Variants in SLC35E2B observed in about 807,000 individuals in gnomAD.
SLC35E2B encodes solute carrier family 35 member E2B.
Under a neutral mutation model 32.4 loss-of-function variants are expected in SLC35E2B, and 18 were observed. The observed-to-expected ratio is 0.56, with a 90% confidence interval of 0.38 to 0.82. The LOEUF (loss-of-function observed/expected upper bound fraction) is 0.82. Among genes scored for constraint, SLC35E2B ranks in the 40% least tolerant of loss-of-function variants. SLC35E2B has a pLI of 0.00. For synonymous variants in SLC35E2B, 132 were observed against 209.1 expected (o/e 0.63, Z 3.18); for missense variants, 263 against 469.5 (o/e 0.56, Z 4.06).
At chr1:1,684,789 CAAA>C (rs1175219653) in intron 2 of SLC35E2B, among the ~76,000 whole-genome samples, 1 of 23,734 alleles carries the variant, frequency 4.2e-5, no homozygotes, top group Non-Finnish European at 7.3e-5. Flanking sequence ...GACTCCATCT[CAAA>C]AAAAAAAAAA....
At chr1:1,673,835 C>T (rs1315011262) in intron 5 of SLC35E2B, among the ~76,000 whole-genome samples, 1 of 151,460 alleles carries the variant, frequency 6.6e-6, no homozygotes, top group Non-Finnish European at 1.5e-5. Context: ...CAGTGGTGGG[C>T]GCCTGTAGTC....
chr1:1,669,471 TAA>T (rs904305510), intron 8 of SLC35E2B, among the ~76,000 whole-genome samples, 191 bp downstream of exon 8: 32 of 151,116 alleles, frequency 2.1e-4, no homozygotes, highest in African/African-American at 6.3e-4. Context: ...ATAAACAAAA[TAA>T]AAGTCTTCAC....
At position 1,665,541 on chromosome 1, in the gene SLC35E2B, G is replaced by A. The variant is rs1033138718; in HGVS notation, c.*241C>T. The A allele has an allele frequency of 3.2e-5, 20 of 630,438 alleles. No homozygotes were observed. Among genetic ancestry groups the A allele is most frequent in the African/African-American group, 9.2e-5 (5 of 54,452 alleles). 39.1% of individuals were successfully genotyped at this position (630,438 alleles called of 1,614,324 possible). A position where few individuals can be genotyped will look rare whatever the true frequency, so the allele number is the denominator to read the frequency against. ...CTCAGAGGCTGTTTTCACATTACAC[G>A]GGGATGGGCTCGGCGGACACAGTCA... On this transcript the variant is annotated 3_prime_UTR_variant, in exon 10 of 10. Coordinates refer to ENST00000617444, the MANE Select transcript of SLC35E2B (RefSeq NM_001290264.2).
intron 6 of SLC35E2B, 160 bp downstream of exon 6, chr1:1,671,349 C>T (rs1199336729): frequency 5.0e-6 from 4 of 806,254 alleles, no homozygotes; most frequent in African/African-American, 3.6e-5. Flanking sequence ...AACTTACCTG[C>T]CGGGGATACC....
At position 1,671,555 on chromosome 1, in the gene SLC35E2B, T is replaced by C. The variant is rs1643692218; in HGVS notation, c.661A>G (p.Asn221Asp). The change falls in exon 6 of 10, where the codon AAT becomes GAT. Residue 221 changes from asparagine to aspartate, a missense_variant. Physicochemically the swap from Asn to Asp is conservative, Grantham distance 23. This residue lies in a region of SLC35E2B where 129 missense variants were observed against 164.5 expected (regional missense o/e 0.78). Transcript: ENST00000617444. ...AGTGCGGCCGAGAACCCCAGGACAT[T>C]GAAGCTGATCTCAGTGGCCGTGCAC... ...ALCTATEISF[N>D]VLGFSAALST... The C allele has an allele frequency of 1.3e-6, 2 of 1,549,306 alleles. No individual in the cohort carries two copies. The highest frequency in any genetic ancestry group is 1.2e-5 in the South Asian group (1 of 83,566).
chr1:1,669,752 C>G lies in SLC35E2B; in HGVS notation c.762-16G>C, dbSNP rs1355770101. On this transcript the variant is annotated splice_polypyrimidine_tract_variant and intron_variant, in intron 7 of 9. Transcript: ENST00000617444. Reference sequence around the variant, plus strand: ...CTCCGGGGCCCTGTGGGTGACAGAACACGCTGGGCCCCCCGTGTCGGGACA... The same window carrying G: ...CTCCGGGGCCCTGTGGGTGACAGAAGACGCTGGGCCCCCCGTGTCGGGACA... The G allele has an allele frequency of 1.3e-6, 2 of 1,548,310 alleles. No homozygotes were observed. The highest frequency in any genetic ancestry group is 2.7e-5 in the African/African-American group (2 of 73,096).
At chr1:1,683,154 A>AACACTTCCC (rs1643914448) in intron 2 of SLC35E2B, among the ~76,000 whole-genome samples, 1 of 152,134 alleles carries the variant, frequency 6.6e-6, no homozygotes, top group Non-Finnish European at 1.5e-5. Flanking sequence ...ACTCCCACAC[A>AACACTTCCC]ACACTTCCCA....
At chr1:1,677,616 G>T (rs1345975452) in intron 2 of SLC35E2B, among the ~76,000 whole-genome samples, 8 of 151,414 alleles carry the variant, frequency 5.3e-5, no homozygotes, top group Non-Finnish European at 1.2e-4. Flanking sequence ...TAGCTGGGAC[G>T]ACAGGCGTCC....
intron 2 of SLC35E2B, among the ~76,000 whole-genome samples, chr1:1,680,552 C>T (rs537282853): frequency 3.3e-5 from 5 of 152,102 alleles, no homozygotes; most frequent in African/African-American, 9.7e-5. Flanking sequence ...CCCCAGCCAA[C>T]GTCACACCGA....
intron 2 of SLC35E2B, among the ~76,000 whole-genome samples, chr1:1,679,088 G>A (rs907110432): frequency 6.6e-6 from 1 of 152,142 alleles, no homozygotes; most frequent in African/African-American, 2.4e-5. Context: ...CCCTGGCTGG[G>A]GACGCTGTCA....
chr1:1,669,263 G>A (rs1281101261), intron 8 of SLC35E2B, among the ~76,000 whole-genome samples: 3 of 151,976 alleles, frequency 2.0e-5, no homozygotes, highest in Non-Finnish European at 4.4e-5. Context: ...GGAAGCTGAG[G>A]CAGGAGAATA....
intron 8 of SLC35E2B, 144 bp from the exon 9 acceptor site, chr1:1,668,616 C>G: frequency 1.3e-6 from 2 of 1,490,832 alleles, no homozygotes; most frequent in Non-Finnish European, 1.8e-6. Flanking sequence ...CTCGAGCGGA[C>G]AGCTGGACTG....
intron 2 of SLC35E2B, among the ~76,000 whole-genome samples, chr1:1,689,585 TG>T (rs1643995541): frequency 6.6e-6 from 1 of 151,604 alleles, no homozygotes; most frequent in Non-Finnish European, 1.5e-5. Context: ...TGACCCTTTT[TG>T]GGGTAGGACA....
intron 2 of SLC35E2B, among the ~76,000 whole-genome samples, chr1:1,687,734 CAA>C (rs74867904): frequency 0.49 from 61,537 of 126,470 alleles, 13,725 homozygotes; most frequent in East Asian, 0.55. Context: ...GACTCCATCT[CAA>C]AAAAAAAAAA....
At chr1:1,666,609 C>G (rs1261727408) in intron 9 of SLC35E2B, among the ~76,000 whole-genome samples, 1 of 152,210 alleles carries the variant, frequency 6.6e-6, no homozygotes, top group Non-Finnish European at 1.5e-5. Flanking sequence ...AAGAACATCA[C>G]CGGGCGCAGC....
chr1:1,686,571 G>A (rs1557766549), intron 2 of SLC35E2B, among the ~76,000 whole-genome samples: 1 of 149,276 alleles, frequency 6.7e-6, no homozygotes, highest in South Asian at 2.1e-4. Context: ...ATCACCTGAG[G>A]TCAGGAGTTC....
intron 6 of SLC35E2B, 74 bp from the exon 7 acceptor site, chr1:1,670,225 G>A (rs1463747659): frequency 7.2e-6 from 8 of 1,114,378 alleles, no homozygotes; most frequent in South Asian, 6.7e-5. Context: ...AGGTGTCTGC[G>A]CTCACACGGA....
At chr1:1,683,284 A>G (rs951606303) in intron 2 of SLC35E2B, among the ~76,000 whole-genome samples, 1 of 152,016 alleles carries the variant, frequency 6.6e-6, no homozygotes, top group African/African-American at 2.4e-5. Flanking sequence ...CCCTGCGGCG[A>G]GGGCTGGATC....
intron 5 of SLC35E2B, chr1:1,672,981 C>T (rs1216498928): frequency 6.5e-6 from 1 of 154,816 alleles, no homozygotes; most frequent in African/African-American, 2.4e-5. Flanking sequence ...GAGGTCAAAT[C>T]GATGTTTAAA....
Sources: allele counts gnomAD v4.1 joint callset (sites outside exome capture counted in the v4.1 genomes callset), GRCh38; gene constraint gnomAD v4.1.1; regional missense constraint gnomAD v4.1.1; transcripts MANE v1.5; gene names NCBI Gene and HGNC (gene_info 2026-07-23, HGNC 2026-07-21).